Variants in LRRC4C observed in about 807,000 individuals in gnomAD.
LRRC4C encodes leucine-rich repeat-containing protein 4C.
In LRRC4C, 5 loss-of-function variants were observed where a neutral mutation model predicts 33.6. The observed-to-expected ratio is 0.15, with a 90% CI of 0.08 to 0.31. LRRC4C has a LOEUF of 0.31. Ranked by LOEUF, LRRC4C falls within the 10% of genes least tolerant of loss-of-function variation. LRRC4C has a pLI of 1.00. For synonymous variants in LRRC4C, 329 were observed against 302.0 expected (o/e 1.09, Z -0.93); for missense variants, 560 against 796.7 (o/e 0.70, Z 3.58).
At chr11:40,796,375 G>A (rs1057244812) in intron 2 of LRRC4C, among the ~76,000 whole-genome samples, 1 of 152,074 alleles carries the variant, frequency 6.6e-6, no homozygotes, top group African/African-American at 2.4e-5. Context: ...TCCACCTAAG[G>A]ACAGGCTTGT....
At chr11:41,412,872 A>C (rs529141779) in intron 1 of LRRC4C, among the ~76,000 whole-genome samples, 1 of 152,306 alleles carries the variant, frequency 6.6e-6, no homozygotes. Flanking sequence ...GATTCTGCTC[A>C]GATCTGCACA....
chr11:40,490,235 G>C (rs922056393), intron 3 of LRRC4C, among the ~76,000 whole-genome samples: 2 of 152,050 alleles, frequency 1.3e-5, no homozygotes, highest in African/African-American at 4.8e-5. Flanking sequence ...TTTTCCTTCT[G>C]CCTTTCAACA....
intron 3 of LRRC4C, among the ~76,000 whole-genome samples, chr11:40,495,125 G>A (rs1430348715): frequency 6.6e-6 from 1 of 152,088 alleles, no homozygotes; most frequent in Non-Finnish European, 1.5e-5. Context: ...CAGATTATTT[G>A]AATCAATAAT....
chr11:40,540,999 A>G (rs1591048761), intron 3 of LRRC4C, among the ~76,000 whole-genome samples: 1 of 152,240 alleles, frequency 6.6e-6, no homozygotes, highest in African/African-American at 2.4e-5. Flanking sequence ...CAAAGCACCT[A>G]TAGGGAAATC....
intron 5 of LRRC4C, among the ~76,000 whole-genome samples, chr11:40,164,201 C>T (rs1457465081): frequency 6.6e-6 from 1 of 152,096 alleles, no homozygotes; most frequent in African/African-American, 2.4e-5. Flanking sequence ...AAGCTTAACA[C>T]AAGAATGTCC....
At chr11:41,199,376 G>A (rs1946313510) in intron 1 of LRRC4C, among the ~76,000 whole-genome samples, 1 of 151,934 alleles carries the variant, frequency 6.6e-6, no homozygotes. Context: ...GCCTTCCTGT[G>A]GGTCTGTCAG....
intron 1 of LRRC4C, among the ~76,000 whole-genome samples, chr11:41,357,300 T>A: frequency 6.6e-6 from 1 of 152,254 alleles, no homozygotes; most frequent in South Asian, 2.1e-4. Context: ...ATGTAGATAA[T>A]TTTTTTAATT....
intron 3 of LRRC4C, among the ~76,000 whole-genome samples, chr11:40,449,849 G>GA (rs1486261116): frequency 6.6e-6 from 1 of 152,174 alleles, no homozygotes; most frequent in African/African-American, 2.4e-5. Flanking sequence ...AAAGTTCAGT[G>GA]AAAGCTTGCT....
chr11:40,721,547 T>C (rs1360896223), intron 2 of LRRC4C, among the ~76,000 whole-genome samples: 1 of 152,254 alleles, frequency 6.6e-6, no homozygotes, highest in Admixed American at 6.5e-5. Flanking sequence ...CAGATTCACT[T>C]ATTCTCATTT....
intron 6 of LRRC4C, among the ~76,000 whole-genome samples, chr11:40,116,619 T>C (rs1358593268): frequency 1.3e-5 from 2 of 152,114 alleles, no homozygotes; most frequent in Non-Finnish European, 2.9e-5. Context: ...GTGGCCCAAA[T>C]GCATGAGGAC....
intron 2 of LRRC4C, among the ~76,000 whole-genome samples, chr11:40,769,910 T>A (rs1949671940): frequency 6.6e-6 from 1 of 152,132 alleles, no homozygotes; most frequent in African/African-American, 2.4e-5. Flanking sequence ...CTCTAGGACA[T>A]TGGTGTGGGC....
chr11:40,598,085 C>A (rs1591231349), intron 3 of LRRC4C, among the ~76,000 whole-genome samples: 1 of 152,172 alleles, frequency 6.6e-6, no homozygotes, highest in South Asian at 2.1e-4. Context: ...AGCAGGGAAA[C>A]TACTCCTTAG....
At chr11:40,834,105 AT>A (rs1952545208) in intron 2 of LRRC4C, among the ~76,000 whole-genome samples, 1 of 152,138 alleles carries the variant, frequency 6.6e-6, no homozygotes, top group Non-Finnish European at 1.5e-5. Context: ...CATCATAGTA[AT>A]TTGTGAGTTA....
At chr11:40,530,453 GA>G (rs57476675) in intron 3 of LRRC4C, among the ~76,000 whole-genome samples, 13,359 of 151,668 alleles carry the variant, frequency 0.088, 1,669 homozygotes, top group African/African-American at 0.28. Flanking sequence ...TCTCTTATCA[GA>G]AAAAAAATGG....
intron 3 of LRRC4C, among the ~76,000 whole-genome samples, chr11:40,531,369 G>T (rs887485041): frequency 5.9e-5 from 9 of 151,990 alleles, no homozygotes; most frequent in Non-Finnish European, 1.3e-4. Context: ...AAATTGTGAC[G>T]TCAAGAGAGT....
intron 1 of LRRC4C, among the ~76,000 whole-genome samples, chr11:41,331,161 A>G (rs1286349421): frequency 1.3e-5 from 2 of 152,226 alleles, no homozygotes; most frequent in Non-Finnish European, 2.9e-5. Context: ...AAATCCAAAA[A>G]TAATTACAGT....
chr11:40,207,630 G>A (rs1267819460), intron 5 of LRRC4C, among the ~76,000 whole-genome samples: 1 of 152,112 alleles, frequency 6.6e-6, no homozygotes, highest in Non-Finnish European at 1.5e-5. Context: ...AGAGTCAAGG[G>A]ATGGCAAGAG....
intron 4 of LRRC4C, among the ~76,000 whole-genome samples, chr11:40,263,137 C>T (rs555142275): frequency 1.2e-4 from 18 of 152,128 alleles, no homozygotes; most frequent in Middle Eastern, 3.4e-3. Flanking sequence ...AATCTATTGG[C>T]TGGACCTAAT....
chr11:40,936,066 A>C (rs866232709), intron 1 of LRRC4C, among the ~76,000 whole-genome samples: 82 of 80,788 alleles, frequency 1.0e-3, no homozygotes, highest in African/African-American at 2.9e-3. Flanking sequence ...ATATATATAT[A>C]ACATAGTTTG....
Sources: allele counts gnomAD v4.1 joint callset (sites outside exome capture counted in the v4.1 genomes callset), GRCh38; gene constraint gnomAD v4.1.1; transcripts MANE v1.5; gene names NCBI Gene and HGNC (gene_info 2026-07-23, HGNC 2026-07-21).